DNAH7: variants seen among roughly 807,000 people sequenced by gnomAD.
DNAH7 encodes the protein dynein axonemal heavy chain 7, also known as axonemal beta dynein heavy chain 7.
DNAH7 carries 397 observed loss-of-function variants against 444.6 expected under a neutral mutation model. The observed-to-expected ratio is 0.89, with a 90% CI of 0.82 to 0.97. The LOEUF (loss-of-function observed/expected upper bound fraction) is 0.97, where lower values mean the gene tolerates loss of function less well. Among genes scored for constraint, DNAH7 ranks in the 50% least tolerant of loss-of-function variants. DNAH7 has a pLI of 0.00. For missense variants in DNAH7, 4,902 were observed against 4,800.8 expected, an observed-to-expected ratio of 1.02 and a Z score of -0.62; for synonymous variants, 1,636 against 1,624.4, an observed-to-expected ratio of 1.01 and a Z score of -0.17.
At chr2:195,995,589 G>A (rs76094696) in intron 12 of DNAH7, 19,875 of 297,476 alleles carry the variant, frequency 0.067, 883 homozygotes, top group South Asian at 0.09. Flanking sequence ...AGGGGAAGAT[G>A]GGAGGCCAGC....
intron 19 of DNAH7, among the ~76,000 whole-genome samples, chr2:195,938,383 A>G (rs201206882): frequency 6.8e-5 from 8 of 118,148 alleles, no homozygotes; most frequent in African/African-American, 1.1e-4. Flanking sequence ...CACACACACA[A>G]ACACACACAG....
intron 5 of DNAH7, among the ~76,000 whole-genome samples, chr2:196,043,957 G>A (rs557456621): frequency 1.5e-5 from 2 of 131,314 alleles, no homozygotes; most frequent in African/African-American, 5.0e-5. Flanking sequence ...CTGCTAGTGG[G>A]AATGTAAACT....
At chr2:195,790,205 T>C (rs533436416) in intron 57 of DNAH7, among the ~76,000 whole-genome samples, 2 of 152,154 alleles carry the variant, frequency 1.3e-5, no homozygotes, top group African/African-American at 4.8e-5. Context: ...AAACACTCCA[T>C]GCTCATGGAC....
chr2:196,032,917 G>A (rs1559354234), intron 5 of DNAH7, among the ~76,000 whole-genome samples: 1 of 152,142 alleles, frequency 6.6e-6, no homozygotes, highest in Non-Finnish European at 1.5e-5. Flanking sequence ...TACACACAAT[G>A]ACTAAGTGAG....
intron 47 of DNAH7, among the ~76,000 whole-genome samples, chr2:195,841,140 A>G (rs949271275): frequency 4.0e-5 from 6 of 151,890 alleles, no homozygotes; most frequent in Admixed American, 1.3e-4. Flanking sequence ...GATTTTCAAC[A>G]AAGACGTAAA....
intron 12 of DNAH7, among the ~76,000 whole-genome samples, chr2:195,992,412 A>C (rs1263633850): frequency 6.6e-6 from 1 of 152,164 alleles, no homozygotes; most frequent in East Asian, 1.9e-4. Flanking sequence ...CACCCACACA[A>C]AGAGTTTAAA....
intron 47 of DNAH7, among the ~76,000 whole-genome samples, chr2:195,838,580 G>A (rs1035295172): frequency 2.6e-5 from 4 of 151,850 alleles, no homozygotes; most frequent in Non-Finnish European, 4.4e-5. Context: ...GATAACAGAA[G>A]AGTCAGTGAA....
intron 27 of DNAH7, chr2:195,901,984 C>T (rs2125270341): frequency 6.6e-6 from 1 of 152,198 alleles, no homozygotes; most frequent in Non-Finnish European, 1.5e-5. Flanking sequence ...ACTTCAATAG[C>T]TCATGTATTA....
chr2:196,039,536 G>A (rs898233799), intron 5 of DNAH7, among the ~76,000 whole-genome samples: 2 of 152,062 alleles, frequency 1.3e-5, no homozygotes, highest in East Asian at 1.9e-4. Flanking sequence ...AGTGGTTCAC[G>A]CCTGTAATCC....
intron 16 of DNAH7, among the ~76,000 whole-genome samples, chr2:195,971,800 G>A (rs996113900): frequency 2.6e-5 from 4 of 152,004 alleles, no homozygotes; most frequent in African/African-American, 9.7e-5. Flanking sequence ...TGGAGTTACT[G>A]AATGTTAGAG....
intron 29 of DNAH7, among the ~76,000 whole-genome samples, chr2:195,896,136 T>A (rs1335983720): frequency 6.6e-6 from 1 of 152,206 alleles, no homozygotes; most frequent in Non-Finnish European, 1.5e-5. Context: ...TGCTTAACTG[T>A]TTTCTAAAGT....
In DNAH7 at chr2:195,973,903, C is replaced by T. The variant is rs117104628; in HGVS notation, c.1834-1437G>A. On this transcript the variant is annotated intron_variant, in intron 15 of 64. Transcript: ENST00000312428. Reference sequence around the variant, plus strand: ...AAGAGTTCAAAACATGGTGAAACCCCGTCTCTACTAAAAATATATAAATAA... The same window carrying T: ...AAGAGTTCAAAACATGGTGAAACCCTGTCTCTACTAAAAATATATAAATAA... Among the ~76,000 whole-genome samples, 1,426 of 152,068 alleles carry T rather than the reference C, an allele frequency of 9.4e-3. 47 individuals are homozygous for T. The highest frequency in any genetic ancestry group is 0.091 in the East Asian group (469 of 5,166).
At chr2:196,051,355 C>A in intron 2 of DNAH7, 106 bp from the exon 3 acceptor site, 2 of 832,714 alleles carry the variant, frequency 2.4e-6, no homozygotes, top group African/African-American at 1.7e-5. Context: ...TACATATTAT[C>A]CAACATATTC....
intron 24 of DNAH7, among the ~76,000 whole-genome samples, chr2:195,914,559 T>C (rs1687554717): frequency 6.9e-6 from 1 of 145,712 alleles, no homozygotes; most frequent in Non-Finnish European, 1.6e-5. Context: ...CCACTTGCCC[T>C]GATTCATTTG....
chr2:195,855,359 T>A (rs1699629941), intron 45 of DNAH7, among the ~76,000 whole-genome samples: 1 of 152,232 alleles, frequency 6.6e-6, no homozygotes, highest in Non-Finnish European at 1.5e-5. Flanking sequence ...TTCTGAGTAT[T>A]GAGTTCTAAT....
intron 55 of DNAH7, among the ~76,000 whole-genome samples, chr2:195,798,509 T>G (rs972336635): frequency 6.6e-6 from 1 of 151,816 alleles, no homozygotes; most frequent in Non-Finnish European, 1.5e-5. Flanking sequence ...TGAATTAATT[T>G]TTAAAGACAA....
At position 195,893,110 on chromosome 2, in the gene DNAH7, A is replaced by AT. The variant is rs1702113998; in HGVS notation, c.4897-1307dup. The AT allele has an allele frequency of 3.4e-5, 5 of 148,348 alleles. No individual in the cohort carries two copies. In the Admixed American group the frequency reaches 3.5e-4, roughly 10 times the overall value. The allele number at this position is 148,348 out of a possible 1,614,324, so 9.2% of individuals were successfully genotyped here. A position where few individuals can be genotyped will look rare whatever the true frequency, so the allele number is the denominator to read the frequency against. ...TGGCACATGCCACCACGCCCAGCTA[A>AT]TTTTTTGTGTTTTTTTTTAAAGTAG... On this transcript the variant is annotated intron_variant, in intron 30 of 64. Transcript: ENST00000312428.
Position 195,737,897 on chromosome 2 carries a change from G to T in DNAH7, c.*24C>A, listed in dbSNP as rs558809856. On this transcript the variant is annotated 3_prime_UTR_variant, in exon 65 of 65. Transcript: ENST00000312428. The stretch of plus-strand genomic sequence containing the variant: ...TACTCAGCCAGCCAACAAGAAATAG[G>T]AACAAGGAAATGATGTCTTCTGGTT... 2.9e-5 allele frequency: 44 copies of T among 1,513,782 alleles called. 1 individual carries two copies. The South Asian group carries it at 4.5e-4, about 16-fold the overall frequency. 93.8% of individuals were successfully genotyped at this position (1,513,782 alleles called of 1,614,324 possible). A position where few individuals can be genotyped will look rare whatever the true frequency, so the allele number is the denominator to read the frequency against.
intron 27 of DNAH7, 138 bp downstream of exon 27, chr2:195,906,521 G>T (rs1687033763): frequency 6.3e-6 from 3 of 478,248 alleles, no homozygotes; most frequent in Non-Finnish European, 3.4e-6. Context: ...AAACACCTGA[G>T]TTCAAGTGAT....
Sources: allele counts gnomAD v4.1 joint callset (sites outside exome capture counted in the v4.1 genomes callset), GRCh38; gene constraint gnomAD v4.1.1; transcripts MANE v1.5; gene names NCBI Gene and HGNC (gene_info 2026-07-23, HGNC 2026-07-21).